Variants in MYLK observed in about 807,000 individuals in gnomAD.
MYLK encodes myosin light chain kinase.
In MYLK, 106 loss-of-function variants were observed where a neutral mutation model predicts 203.4. The observed-to-expected ratio is 0.52, with a 90% CI of 0.45 to 0.61. The LOEUF (loss-of-function observed/expected upper bound fraction) is 0.61. MYLK is among the 20% of genes least tolerant of loss of function. The pLI is 0.00. For synonymous variants in MYLK, 867 were observed against 959.5 expected (o/e 0.90, Z 1.78); for missense variants, 2,072 against 2,442.3 (o/e 0.85, Z 3.20).
intron 3 of MYLK, among the ~76,000 whole-genome samples, chr3:123,830,706 C>G (rs963898267): frequency 1.3e-5 from 2 of 152,070 alleles, no homozygotes; most frequent in African/African-American, 4.8e-5. Flanking sequence ...CACCCTCACC[C>G]CAGGCTGATG....
At chr3:123,707,098 C>T (rs2061488612) in intron 16 of MYLK, among the ~76,000 whole-genome samples, 1 of 152,166 alleles carries the variant, frequency 6.6e-6, no homozygotes, top group Non-Finnish European at 1.5e-5. Flanking sequence ...AAGCCAGCTG[C>T]CATGCTAAAA....
At chr3:123,859,299 C>T (rs1324089065) in intron 2 of MYLK, among the ~76,000 whole-genome samples, 3 of 152,306 alleles carry the variant, frequency 2.0e-5, no homozygotes, top group Admixed American at 1.3e-4. Context: ...CAGTTGGGTC[C>T]CATGGTGAAA....
chr3:123,691,386 G>C (rs750288072), intron 19 of MYLK: 1 of 152,082 alleles, frequency 6.6e-6, no homozygotes. Flanking sequence ...CATAAACTTG[G>C]ACACATCAAG....
intron 2 of MYLK, among the ~76,000 whole-genome samples, chr3:123,852,351 T>A (rs1282464527): frequency 1.3e-5 from 2 of 152,218 alleles, no homozygotes; most frequent in Non-Finnish European, 2.9e-5. Flanking sequence ...TGTGAATCCG[T>A]CTGGTCCTGG....
At chr3:123,821,530 G>C (rs1020300031) in intron 3 of MYLK, among the ~76,000 whole-genome samples, 1 of 152,178 alleles carries the variant, frequency 6.6e-6, no homozygotes, top group African/African-American at 2.4e-5. Flanking sequence ...ATGAACCCTT[G>C]ATCTGCAGGC....
chr3:123,693,563 A>C (rs2060778748), intron 18 of MYLK: 1 of 153,512 alleles, frequency 6.5e-6, no homozygotes, highest in Admixed American at 6.4e-5. Flanking sequence ...CCCAGAGAGA[A>C]GTGGGGATGG....
In MYLK at chr3:123,700,614, C is replaced by T. The variant is rs971096950; in HGVS notation, c.2854G>A (p.Asp952Asn). The T allele has an allele frequency of 8.1e-6, 13 of 1,613,892 alleles. No homozygotes were observed. Among genetic ancestry groups the T allele is most frequent in the East Asian group, 4.5e-5 (2 of 44,866 alleles). The change falls in exon 18 of 34, where the codon GAT (aspartate) becomes AAT (asparagine). Residue 952 changes from aspartate to asparagine, a missense_variant. By Grantham distance (23) the Asp-to-Asn change is conservative. Transcript: ENST00000360304. ...TTCTTGGCCAGGACAGAGCGAAAAT[C>T]GACCTGCTGGGGGCTGTGCACCTTC... ...ERKVHSPQQV[D>N]FRSVLAKKGT... is the part of the protein sequence containing the mutation.
chr3:123,677,910 TATATATATAC>T (rs1274085061), intron 20 of MYLK, among the ~76,000 whole-genome samples: 7 of 99,610 alleles, frequency 7.0e-5, no homozygotes, highest in African/African-American at 1.6e-4. Context: ...TATATATATA[TATATATATAC>T]ACACACACAC....
At chr3:123,626,773 A>G in intron 31 of MYLK, 45 bp downstream of exon 31, 1 of 1,613,814 alleles carries the variant, frequency 6.2e-7, no homozygotes, top group Non-Finnish European at 8.5e-7. Flanking sequence ...TGAACAACAC[A>G]AATATGAGGG....
chr3:123,703,292 G>A (rs1321689456), intron 16 of MYLK, among the ~76,000 whole-genome samples: 2 of 152,144 alleles, frequency 1.3e-5, no homozygotes, highest in East Asian at 1.9e-4. Context: ...GAAGCCAATC[G>A]TTGCTGTCCT....
In MYLK at chr3:123,647,062, G is replaced by A. The variant is rs553155985; in HGVS notation, c.4619+162C>T. ...GCACTGTGCACAGACCTTCGGTTCT[G>A]TTTGGTCAGGCCTGGCTGTATGGCT... On this transcript the variant is annotated intron_variant, in intron 27 of 33. Transcript: ENST00000360304. 239 of 700,304 alleles carry A rather than the reference G, an allele frequency of 3.4e-4. No individual in the cohort carries two copies. In the Middle Eastern group the frequency reaches 4.3e-3, roughly 13 times the overall value. The allele number at this position is 700,304 out of a possible 1,614,324, so 43.4% of individuals were successfully genotyped here. A position where few individuals can be genotyped will look rare whatever the true frequency, so the allele number is the denominator to read the frequency against.
intron 1 of MYLK, among the ~76,000 whole-genome samples, chr3:123,877,131 G>A (rs761883904): frequency 6.6e-6 from 1 of 152,164 alleles, no homozygotes; most frequent in Non-Finnish European, 1.5e-5. Flanking sequence ...TATTCCAGGT[G>A]AGGATGAACT....
intron 4 of MYLK, among the ~76,000 whole-genome samples, chr3:123,772,580 C>A (rs894655017): frequency 6.6e-6 from 1 of 151,450 alleles, no homozygotes; most frequent in Non-Finnish European, 1.5e-5. Context: ...AATTTCTGTA[C>A]AAAAGTAAAC....
chr3:123,871,193 C>T (rs949372551), intron 2 of MYLK, among the ~76,000 whole-genome samples: 5 of 152,108 alleles, frequency 3.3e-5, no homozygotes, highest in African/African-American at 9.7e-5. Flanking sequence ...TTTCCCAACC[C>T]AACTGTCCCA....
At chr3:123,799,638 C>T (rs1015846987) in intron 3 of MYLK, among the ~76,000 whole-genome samples, 1 of 152,180 alleles carries the variant, frequency 6.6e-6, no homozygotes. Flanking sequence ...AGCAAAACCA[C>T]CCACGTGCAA....
In MYLK at chr3:123,874,159, T is replaced by C. The variant is rs187951146; in HGVS notation, c.-127+2400A>G. 5.7e-3 allele frequency among the ~76,000 whole-genome samples: 873 copies of C among 152,270 alleles called. 9 individuals carry two copies. The highest frequency in any genetic ancestry group is 0.019 in the African/African-American group (805 of 41,576). Reference sequence around the variant, plus strand: ...GCCAACAAGATGATTCTAAAATTTATATGTCAGGCCAAAAAATCTGTAATA... The same window carrying C: ...GCCAACAAGATGATTCTAAAATTTACATGTCAGGCCAAAAAATCTGTAATA... On this transcript the variant is annotated intron_variant, in intron 2 of 33. Transcript: ENST00000360304.
chr3:123,780,192 G>C (rs901683655), intron 4 of MYLK, among the ~76,000 whole-genome samples: 3 of 152,104 alleles, frequency 2.0e-5, no homozygotes, highest in African/African-American at 7.2e-5. Flanking sequence ...CCAGCACTTC[G>C]GGCGGCCTAG....
At chr3:123,701,600 G>C in intron 16 of MYLK, 91 bp from the exon 17 acceptor site, 4 of 1,367,660 alleles carry the variant, frequency 2.9e-6, no homozygotes, top group Non-Finnish European at 4.2e-6. Flanking sequence ...GCTGGCCAGC[G>C]GGGAAGATGG....
intron 4 of MYLK, among the ~76,000 whole-genome samples, chr3:123,786,807 C>A (rs1203182600): frequency 1.3e-5 from 2 of 151,970 alleles, no homozygotes; most frequent in Non-Finnish European, 2.9e-5. Context: ...ATAGAAAGAG[C>A]AAATTGTAGG....
Sources: gnomAD v4.1 joint callset for allele counts (sites outside exome capture counted in the v4.1 genomes callset) on GRCh38, gnomAD v4.1.1 for gene constraint, MANE v1.5 for transcripts, NCBI Gene and HGNC (gene_info 2026-07-23, HGNC 2026-07-21) for gene names.